ARHGEF3: variants seen among roughly 807,000 people sequenced by gnomAD.
ARHGEF3 encodes 59.8 kDA protein.
In ARHGEF3, 28 loss-of-function variants were observed where a neutral mutation model predicts 63.2. The ratio of observed to expected loss-of-function variants is 0.44; its 90% CI spans 0.33 to 0.61. The LOEUF (loss-of-function observed/expected upper bound fraction) is 0.61. Among genes scored for constraint, ARHGEF3 ranks in the 20% least tolerant of loss-of-function variants. The pLI is 0.03. For missense variants in ARHGEF3, 533 were observed against 659.3 expected (o/e 0.81, Z 2.10); for synonymous variants, 266 against 254.2 (o/e 1.05, Z -0.44).
chr3:56,732,819 CTCTCT>C (rs2033272215), intron 8 of ARHGEF3, among the ~76,000 whole-genome samples: 1 of 152,180 alleles, frequency 6.6e-6, no homozygotes, highest in African/African-American at 2.4e-5. Context: ...AAAGTTAGCA[CTCTCT>C]TGACTTTAGT....
intron 2 of ARHGEF3, among the ~76,000 whole-genome samples, chr3:56,971,299 C>CTTA (rs1265914918): frequency 6.6e-6 from 1 of 152,086 alleles, no homozygotes; most frequent in African/African-American, 2.4e-5. Flanking sequence ...GCAGGGACCC[C>CTTA]GAAGCAAGCC....
Position 56,977,758 on chromosome 3 carries a change from T to C in ARHGEF3, c.63-18869A>G, listed in dbSNP as rs1231385934. On this transcript the variant is annotated intron_variant, in intron 2 of 12. Coordinates refer to the ARHGEF3 transcript ENST00000338458. ...TGGCTATCTTGTGGCCCTAAGCAAA[T>C]GGGTTCGGCCTCTAGGAATCCATGT... Among the ~76,000 whole-genome samples, 3 of 152,054 alleles carry C rather than the reference T, an allele frequency of 2.0e-5. No individual in the cohort carries two copies. In the East Asian group the frequency reaches 5.8e-4, roughly 29 times the overall value.
chr3:56,932,049 T>A (rs921746219), intron 3 of ARHGEF3, among the ~76,000 whole-genome samples: 1 of 152,192 alleles, frequency 6.6e-6, no homozygotes, highest in African/African-American at 2.4e-5. Context: ...TCCACAAACA[T>A]ATGTGATGCC....
chr3:56,878,955 T>C (rs1458438732), intron 4 of ARHGEF3, among the ~76,000 whole-genome samples: 1 of 152,194 alleles, frequency 6.6e-6, no homozygotes, highest in African/African-American at 2.4e-5. Flanking sequence ...TAGATTCTCA[T>C]AGGAGCACAC....
chr3:56,766,235 G>A (rs2035695916), intron 2 of ARHGEF3, among the ~76,000 whole-genome samples: 2 of 152,136 alleles, frequency 1.3e-5, no homozygotes, highest in African/African-American at 4.8e-5. Context: ...TAACACAGTA[G>A]ATCCAAATAA....
chr3:56,916,392 G>A (rs2041991934), intron 3 of ARHGEF3: 1 of 1,531,516 alleles, frequency 6.5e-7, no homozygotes, highest in Non-Finnish European at 8.7e-7. Flanking sequence ...AACTGCAGTG[G>A]AGCCCTGTGC....
chr3:56,820,713 G>A (rs2038455124), intron 4 of ARHGEF3, among the ~76,000 whole-genome samples: 2 of 152,174 alleles, frequency 1.3e-5, no homozygotes, highest in Non-Finnish European at 1.5e-5. Flanking sequence ...GTACAAGGAC[G>A]TCTTTGAGAC....
chr3:56,800,584 G>A (rs1291021053), intron 1 of ARHGEF3, among the ~76,000 whole-genome samples: 1 of 152,134 alleles, frequency 6.6e-6, no homozygotes, highest in African/African-American at 2.4e-5. Context: ...CTTTGATGGT[G>A]TGCTCCCGAA....
chr3:56,967,542 A>G (rs1209543967), intron 2 of ARHGEF3, among the ~76,000 whole-genome samples: 1 of 87,884 alleles, frequency 1.1e-5, no homozygotes, highest in Non-Finnish European at 2.0e-5. Context: ...AATATATTAC[A>G]TATTATGTAC....
intron 1 of ARHGEF3, among the ~76,000 whole-genome samples, chr3:56,800,444 A>G (rs2037582645): frequency 6.6e-6 from 1 of 152,196 alleles, no homozygotes; most frequent in Admixed American, 6.5e-5. Flanking sequence ...TATTCGACTG[A>G]GCTGGAGTGT....
intron 2 of ARHGEF3, among the ~76,000 whole-genome samples, chr3:56,990,024 C>T (rs966154513): frequency 3.9e-5 from 6 of 152,322 alleles, no homozygotes; most frequent in Non-Finnish European, 4.4e-5. Flanking sequence ...AAAACAATGA[C>T]GCTACCCAGC....
chr3:57,018,928 G>A (rs187699674), intron 2 of ARHGEF3, among the ~76,000 whole-genome samples: 1 of 152,154 alleles, frequency 6.6e-6, no homozygotes, highest in African/African-American at 2.4e-5. Context: ...TCAGATTCCA[G>A]CATCTGTATT....
chr3:57,033,182 A>C (rs1163426025), intron 2 of ARHGEF3, among the ~76,000 whole-genome samples: 2 of 152,208 alleles, frequency 1.3e-5, no homozygotes, highest in Non-Finnish European at 2.9e-5. Context: ...TGGAGGATGA[A>C]CTGGTGATGT....
rs374346720 is a variant in ARHGEF3 at position 56,885,399 on chromosome 3, A to G, written c.130-3045T>C. Among the ~76,000 whole-genome samples, 7 of 152,274 alleles carry G rather than the reference A, an allele frequency of 4.6e-5. No homozygotes were observed. In the South Asian group the frequency reaches 1.5e-3, roughly 32 times the overall value. ...TGCACAGTAAGTGGCAGCTCCTGTT[A>G]TGAATTGCCCAGACCATAGGCTACA... On this transcript the variant is annotated intron_variant, in intron 3 of 12. Coordinates refer to the ARHGEF3 transcript ENST00000338458.
intron 1 of ARHGEF3, among the ~76,000 whole-genome samples, chr3:57,038,751 A>T (rs947551402): frequency 6.6e-6 from 1 of 152,100 alleles, no homozygotes; most frequent in African/African-American, 2.4e-5. Context: ...GACCTATACC[A>T]TTGTTGGTAA....
chr3:56,986,670 C>T (rs1360039633), intron 2 of ARHGEF3, among the ~76,000 whole-genome samples: 1 of 151,988 alleles, frequency 6.6e-6, no homozygotes. Flanking sequence ...TGCACAAAAC[C>T]CCCCAACAGC....
At chr3:56,893,027 C>G (rs1183741872) in intron 3 of ARHGEF3, among the ~76,000 whole-genome samples, 1 of 152,222 alleles carries the variant, frequency 6.6e-6, no homozygotes, top group African/African-American at 2.4e-5. Context: ...CTCTAAAGGA[C>G]ATTCCTTTAA....
chr3:56,845,738 A>G (rs1457638118), intron 4 of ARHGEF3, among the ~76,000 whole-genome samples: 2 of 152,176 alleles, frequency 1.3e-5, no homozygotes, highest in Admixed American at 6.5e-5. Flanking sequence ...TTCCAATCAG[A>G]TCATATCCTT....
chr3:56,779,598 T>C (rs1454822373), intron 1 of ARHGEF3, among the ~76,000 whole-genome samples: 1 of 152,204 alleles, frequency 6.6e-6, no homozygotes, highest in Non-Finnish European at 1.5e-5. Flanking sequence ...GTTCACGCCA[T>C]GGACAATTCT....
Sources: gnomAD v4.1 joint callset for allele counts (sites outside exome capture counted in the v4.1 genomes callset) on GRCh38, gnomAD v4.1.1 for gene constraint, MANE v1.5 for transcripts, NCBI Gene and HGNC (gene_info 2026-07-23, HGNC 2026-07-21) for gene names.